The following ARNT2 variants were observed in gnomAD, a reference collection of about 807,000 sequenced individuals.
ARNT2 encodes the protein aryl hydrocarbon receptor nuclear translocator 2.
Under a neutral mutation model 91.7 loss-of-function variants are expected in ARNT2, and 36 were observed. The ratio of observed to expected loss-of-function variants is 0.39; its 90% CI spans 0.30 to 0.52. ARNT2 has a LOEUF of 0.52. Ranked by LOEUF, ARNT2 falls within the 20% of genes least tolerant of loss-of-function variation. The pLI, the probability that ARNT2 is intolerant of heterozygous loss-of-function variation, is 0.72. For synonymous variants in ARNT2, 365 were observed against 347.1 expected, an observed-to-expected ratio of 1.05 and a Z score of -0.57; for missense variants, 775 against 939.3, an observed-to-expected ratio of 0.83 and a Z score of 2.29.
rs1893367791 is a variant in ARNT2, at chr15:80,595,909, T to A, written c.*2211T>A. On this transcript the variant is annotated 3_prime_UTR_variant, in exon 19 of 19. Transcript: ENST00000303329. ...CCCCCAAAAAAGGCACAAAAATAGGTTTTGGATCAAAGAAGTGTTTCTCAG... is the reference window on the plus strand; with the variant it reads ...CCCCCAAAAAAGGCACAAAAATAGGATTTGGATCAAAGAAGTGTTTCTCAG... 1 of 152,116 alleles carries A rather than the reference T, an allele frequency of 6.6e-6. No individual in the cohort carries two copies. Among genetic ancestry groups the A allele is most frequent in the Non-Finnish European group, 1.5e-5 (1 of 68,014 alleles). 9.4% of individuals were successfully genotyped at this position (152,116 alleles called of 1,614,324 possible).
intron 4 of ARNT2, among the ~76,000 whole-genome samples, chr15:80,471,603 G>A (rs999477739): frequency 6.6e-6 from 1 of 152,180 alleles, no homozygotes; most frequent in African/African-American, 2.4e-5. Context: ...GCACTTAGCC[G>A]GCCGGCATTT....
Position 80,565,016 on chromosome 15 carries a change from G to A in ARNT2, c.1316+1777G>A, listed in dbSNP as rs552478867. Reference sequence around the variant, plus strand: ...GGGCTCATTGCAGCCTCGACTTCCTGAGCTCAGGTGATTCTCCCACCTCAG... The same window carrying A: ...GGGCTCATTGCAGCCTCGACTTCCTAAGCTCAGGTGATTCTCCCACCTCAG... On this transcript the variant is annotated intron_variant, in intron 12 of 18. Transcript: ENST00000303329. Among the ~76,000 whole-genome samples the A allele has an allele frequency of 2.0e-4, 31 of 151,550 alleles. No homozygotes were observed. The South Asian group carries it at 2.7e-3, about 13-fold the overall frequency.
chr15:80,418,791 G>C (rs1332397874), intron 1 of ARNT2, among the ~76,000 whole-genome samples: 2 of 152,222 alleles, frequency 1.3e-5, no homozygotes, highest in Non-Finnish European at 2.9e-5. Context: ...TGAGTCCCAA[G>C]ACAATCAAGT....
chr15:80,550,304 A>G (rs749464738), intron 8 of ARNT2, among the ~76,000 whole-genome samples: 5 of 152,202 alleles, frequency 3.3e-5, no homozygotes, highest in African/African-American at 1.2e-4. Context: ...TCACAAAACC[A>G]TAGTGATATT....
At chr15:80,479,474 T>TA (rs1433849791) in intron 5 of ARNT2, among the ~76,000 whole-genome samples, 3 of 152,212 alleles carry the variant, frequency 2.0e-5, no homozygotes, top group African/African-American at 4.8e-5. Context: ...ATGACACTGC[T>TA]AGTGGAAAAG....
At chr15:80,546,563 G>A (rs1897994072) in intron 8 of ARNT2, among the ~76,000 whole-genome samples, 1 of 152,238 alleles carries the variant, frequency 6.6e-6, no homozygotes, top group Admixed American at 6.5e-5. Context: ...AAAGACCTGT[G>A]AGACTGAGGT....
intron 3 of ARNT2, among the ~76,000 whole-genome samples, chr15:80,469,463 A>G (rs562966033): frequency 6.6e-5 from 10 of 151,960 alleles, no homozygotes; most frequent in African/African-American, 2.4e-4. Context: ...GTAAGACTAT[A>G]TAGTGCTTCT....
chr15:80,421,414 A>G (rs1895859618), intron 1 of ARNT2, among the ~76,000 whole-genome samples: 1 of 123,420 alleles, frequency 8.1e-6, no homozygotes, highest in Non-Finnish European at 1.8e-5. Context: ...AAAGAAAGGA[A>G]GGAAAGGAGG....
chr15:80,548,506 A>G (rs11072924), intron 8 of ARNT2, among the ~76,000 whole-genome samples: 1 of 152,092 alleles, frequency 6.6e-6, no homozygotes, highest in East Asian at 1.9e-4. Flanking sequence ...CTGTTTTCAG[A>G]TTATATAATA....
rs1411070670 is a variant in ARNT2 at position 80,430,793 on chromosome 15, TACACAGAACCCTG to T, written c.32-20083_32-20071del. On this transcript the variant is annotated intron_variant, in intron 1 of 18. Transcript: ENST00000303329. ...CAATCTCCTATCCTCTCTCCCACAATACACAGAACCCTGACAGCAGTTGGGCAGCCTGTCCAGG... is the reference window on the plus strand; with the variant it reads ...CAATCTCCTATCCTCTCTCCCACAATACAGCAGTTGGGCAGCCTGTCCAGG... Among the ~76,000 whole-genome samples, 49 of 152,180 alleles carry T rather than the reference TACACAGAACCCTG, an allele frequency of 3.2e-4. 1 individual carries two copies. Among genetic ancestry groups the T allele is most frequent in the Non-Finnish European group, 7.3e-5 (5 of 68,030 alleles).
At chr15:80,541,903 A>G (rs967795190) in intron 8 of ARNT2, among the ~76,000 whole-genome samples, 2 of 152,150 alleles carry the variant, frequency 1.3e-5, no homozygotes, top group South Asian at 4.1e-4. Context: ...GCAGTCATCC[A>G]TCAAGACCCT....
chr15:80,499,090 A>G (rs577592402), intron 5 of ARNT2, among the ~76,000 whole-genome samples: 109 of 152,352 alleles, frequency 7.2e-4, no homozygotes, highest in Admixed American at 2.4e-3. Flanking sequence ...GGCATTGCCC[A>G]CCATGCAGGC....
intron 9 of ARNT2, among the ~76,000 whole-genome samples, chr15:80,551,572 T>C (rs1898081820): frequency 6.6e-6 from 1 of 152,176 alleles, no homozygotes; most frequent in Non-Finnish European, 1.5e-5. Context: ...CCCTTGACTG[T>C]TTCCCCAGAG....
intron 6 of ARNT2, 36 bp from the exon 7 acceptor site, chr15:80,513,875 G>C (rs1445446807): frequency 1.3e-6 from 2 of 1,563,386 alleles, no homozygotes; most frequent in African/African-American, 2.7e-5. Flanking sequence ...ACTTGCCTGG[G>C]TCTTTGCTCA....
intron 8 of ARNT2, among the ~76,000 whole-genome samples, chr15:80,525,348 A>G (rs895952572): frequency 6.6e-6 from 1 of 152,214 alleles, no homozygotes; most frequent in Admixed American, 6.5e-5. Flanking sequence ...TTCTGTGGCT[A>G]TTAATACTCT....
chr15:80,488,408 C>T (rs1343336812), intron 5 of ARNT2, among the ~76,000 whole-genome samples: 2 of 152,274 alleles, frequency 1.3e-5, no homozygotes, highest in Admixed American at 6.5e-5. Flanking sequence ...TTCTCATTTT[C>T]GTATTATGGC....
chr15:80,413,262 C>G (rs1895714446), intron 1 of ARNT2, among the ~76,000 whole-genome samples: 1 of 152,208 alleles, frequency 6.6e-6, no homozygotes. Flanking sequence ...CCACCCCCTC[C>G]CTTACCAATT....
chr15:80,443,702 C>T (rs1303853002), intron 1 of ARNT2, among the ~76,000 whole-genome samples: 1 of 152,108 alleles, frequency 6.6e-6, no homozygotes, highest in Admixed American at 6.5e-5. Flanking sequence ...AGGTGAAGGA[C>T]GTGGTCCTGG....
chr15:80,538,819 G>A (rs936892554), intron 8 of ARNT2, among the ~76,000 whole-genome samples: 4 of 151,932 alleles, frequency 2.6e-5, no homozygotes, highest in Non-Finnish European at 2.9e-5. Context: ...ACTGGTAAAA[G>A]AGAAAATCCC....
Sources: gnomAD v4.1 joint callset for allele counts (sites outside exome capture counted in the v4.1 genomes callset) on GRCh38, gnomAD v4.1.1 for gene constraint, MANE v1.5 for transcripts, NCBI Gene and HGNC (gene_info 2026-07-23, HGNC 2026-07-21) for gene names.